PLA2G6: variants seen among roughly 807,000 people sequenced by gnomAD.
The protein encoded by PLA2G6 is phospholipase A2 group VI.
In PLA2G6, 62 loss-of-function variants were observed where a neutral mutation model predicts 83.8. The observed-to-expected ratio is 0.74, with a 90% confidence interval of 0.60 to 0.91. The LOEUF (loss-of-function observed/expected upper bound fraction) is 0.91, where lower values mean the gene tolerates loss of function less well. PLA2G6 is among the 40% of genes least tolerant of loss of function. PLA2G6 has a pLI of 0.00. For synonymous variants in PLA2G6, 417 were observed against 449.8 expected (o/e 0.93, Z 0.92); for missense variants, 944 against 1,102.0 (o/e 0.86, Z 2.03).
intron 13 of PLA2G6, 78 bp from the exon 14 acceptor site, chr22:38,115,759 G>A (rs2087152202): frequency 6.6e-7 from 1 of 1,520,006 alleles, no homozygotes; most frequent in African/African-American, 1.4e-5. Context: ...CTCAGGGTGT[G>A]CGTGTTGGGG....
intron 5 of PLA2G6, 195 bp downstream of exon 5, chr22:38,139,787 C>T: frequency 1.7e-6 from 1 of 594,062 alleles, no homozygotes; most frequent in Non-Finnish European, 3.0e-6. Flanking sequence ...AACCGAGATT[C>T]CTACCCATGA....
intron 2 of PLA2G6, among the ~76,000 whole-genome samples, chr22:38,156,855 A>T (rs2089800599): frequency 6.6e-6 from 1 of 152,210 alleles, no homozygotes; most frequent in African/African-American, 2.4e-5. Context: ...ATACGAACAC[A>T]TGGAAATGAA....
rs1398465435 is a variant in PLA2G6, at chr22:38,132,079, C to A, written c.1077+752G>T. The A allele has an allele frequency of 4.4e-6, 2 of 452,092 alleles. No homozygotes were observed. Among genetic ancestry groups the A allele is most frequent in the African/African-American group, 2.0e-5 (1 of 49,798 alleles). The allele number at this position is 452,092 out of a possible 1,614,324, so 28.0% of individuals were successfully genotyped here. A position where few individuals can be genotyped will look rare whatever the true frequency, so the allele number is the denominator to read the frequency against. On this transcript the variant is annotated intron_variant, in intron 7 of 16. Coordinates refer to ENST00000332509, the MANE Select transcript of PLA2G6 (RefSeq NM_003560.4). The surrounding 1 kb of genome is among the most constrained non-coding windows in gnomAD (Gnocchi z 5.0). ...GTGGTGAGCCGAGATCGCGCCACTG[C>A]ACTCCAGCCTGGGCGACAGTGCGAG... is the stretch of plus-strand genomic sequence containing the variant.
intron 15 of PLA2G6, chr22:38,112,973 C>T (rs2145668612): frequency 5.3e-6 from 2 of 374,104 alleles, no homozygotes; most frequent in East Asian, 1.3e-4. Flanking sequence ...GTGGCATGAT[C>T]ACAGCTCACT....
At chr22:38,153,124 G>A (rs1458854577) in intron 2 of PLA2G6, among the ~76,000 whole-genome samples, 1 of 152,156 alleles carries the variant, frequency 6.6e-6, no homozygotes, top group African/African-American at 2.4e-5. Context: ...AAATGAAGGT[G>A]GAGGCAAAGC....
intron 11 of PLA2G6, among the ~76,000 whole-genome samples, chr22:38,122,820 G>A (rs955900647): frequency 7.2e-5 from 11 of 152,098 alleles, no homozygotes; most frequent in Non-Finnish European, 1.6e-4. Context: ...TAAGGCAGTC[G>A]ATAGGAAACG....
intron 1 of PLA2G6, among the ~76,000 whole-genome samples, chr22:38,177,746 G>A (rs1353653749): frequency 6.6e-6 from 1 of 152,174 alleles, no homozygotes; most frequent in Non-Finnish European, 1.5e-5. Context: ...TTACAGGCAT[G>A]AGCCACTGCG....
intron 12 of PLA2G6, among the ~76,000 whole-genome samples, chr22:38,116,863 A>AAAC (rs2087234469): frequency 6.6e-6 from 1 of 150,968 alleles, no homozygotes; most frequent in Non-Finnish European, 1.5e-5. Flanking sequence ...AAAAAAAAAA[A>AAAC]AAAAAAAAAA....
At chr22:38,115,432 C>T in intron 14 of PLA2G6, 95 bp downstream of exon 14, 1 of 1,165,912 alleles carries the variant, frequency 8.6e-7, no homozygotes, top group Admixed American at 1.9e-5. Flanking sequence ...TAAAAGCCAC[C>T]TGCTGTCCTG....
intron 1 of PLA2G6, among the ~76,000 whole-genome samples, chr22:38,181,364 T>A (rs528243608): frequency 7.9e-5 from 12 of 152,094 alleles, no homozygotes; most frequent in Admixed American, 7.2e-4. Context: ...GGGAATCAAG[T>A]GAGCACTTAG....
At chr22:38,181,580 G>C (rs909799777) in intron 1 of PLA2G6, 84 bp downstream of exon 1, 1 of 152,454 alleles carries the variant, frequency 6.6e-6, no homozygotes, top group African/African-American at 2.4e-5. Flanking sequence ...GCGGTCTCGG[G>C]ATGGGAATTG....
chr22:38,180,109 C>T (rs1176923813), intron 1 of PLA2G6, among the ~76,000 whole-genome samples: 1 of 151,464 alleles, frequency 6.6e-6, no homozygotes, highest in Non-Finnish European at 1.5e-5. Flanking sequence ...TACCTACTTC[C>T]CCCAGCACAC....
Position 38,143,085 on chromosome 22 carries a change from C to G in PLA2G6, c.609+20G>C. 6.2e-7 allele frequency: 1 copy of G among 1,612,214 alleles called. No individual in the cohort carries two copies. Among genetic ancestry groups the G allele is most frequent in the Non-Finnish European group, 8.5e-7 (1 of 1,178,308 alleles). ...CCGGGAGGTATCAGTACCAGTCACCCTGCCCCTCCCCCTGCTCACCTGCAG... is the reference window on the plus strand; with the variant it reads ...CCGGGAGGTATCAGTACCAGTCACCGTGCCCCTCCCCCTGCTCACCTGCAG... On this transcript the variant is annotated intron_variant, in intron 4 of 16. Transcript: ENST00000332509.
intron 2 of PLA2G6, among the ~76,000 whole-genome samples, chr22:38,162,774 C>A (rs553524804): frequency 6.6e-6 from 1 of 152,184 alleles, no homozygotes; most frequent in East Asian, 1.9e-4. Context: ...GCAAGGAGGA[C>A]CCTACCCCAC....
Position 38,143,139 on chromosome 22 carries a change from T to C in PLA2G6, c.575A>G (p.Tyr192Cys), listed in dbSNP as rs748061889. ...TDYKGETVFH[Y>C]AVQGDNSQVL... ...CTGAGAATTGTCACCCTGGACAGCA[T>C]AATGGAAGACGGTCTCTCCCTTGTA... The change falls in exon 4 of 17, where the codon TAT (tyrosine) becomes TGT (cysteine). Residue 192 changes from tyrosine (Y) to cysteine (C), a missense_variant. By Grantham distance (194) the Tyr-to-Cys change is radical (BLOSUM62 -2). Coordinates refer to ENST00000332509, the MANE Select transcript of PLA2G6 (RefSeq NM_003560.4). 1.9e-6 allele frequency: 3 copies of C among 1,614,208 alleles called. No homozygotes were observed. Among genetic ancestry groups the C allele is most frequent in the Non-Finnish European group, 2.5e-6 (3 of 1,180,036 alleles).
At chr22:38,139,696 A>G (rs563450848) in intron 5 of PLA2G6, 3 of 349,084 alleles carry the variant, frequency 8.6e-6, no homozygotes, top group Non-Finnish European at 1.6e-5. Context: ...CAGCCTCCCA[A>G]AGTGTTGGGA....
At position 38,111,543 on chromosome 22, in the gene PLA2G6, T is replaced by C; in HGVS notation, c.*618A>G. On this transcript the variant is annotated 3_prime_UTR_variant, in exon 17 of 17. Transcript: ENST00000332509. Reference sequence around the variant, plus strand: ...TTTCAGTTTTGGCTCTTAAGCCACTTCCATTGGGAAGAAGAAACTCCCAGG... The same window carrying C: ...TTTCAGTTTTGGCTCTTAAGCCACTCCCATTGGGAAGAAGAAACTCCCAGG... The C allele has an allele frequency of 6.1e-6, 1 of 163,702 alleles. No homozygotes were observed. Among genetic ancestry groups the C allele is most frequent in the Non-Finnish European group, 1.3e-5 (1 of 74,346 alleles). 10.1% of individuals were successfully genotyped at this position (163,702 alleles called of 1,614,324 possible).
In PLA2G6 at chr22:38,120,777, G is replaced by A. The variant is rs144012369; in HGVS notation, c.1724C>T (p.Thr575Met). The A allele has an allele frequency of 5.0e-5, 81 of 1,613,648 alleles. No homozygotes were observed. The highest frequency in any genetic ancestry group is 2.5e-4 in the African/African-American group (19 of 74,938). ...KREFGEHTKM[T>M]DVRKPKVMLT... ...GGCTTACTTGGGTTTCCTGACGTCC[G>A]TCATCTTGGTGTGCTCCCCAAACTC... is the stretch of plus-strand genomic sequence containing the variant. Residue 575 changes from threonine (T) to methionine (M), a missense_variant, in exon 12 of 17, where the codon ACG becomes ATG. Physicochemically the swap from Thr to Met is moderately conservative, Grantham distance 81. Transcript: ENST00000332509.
At chr22:38,119,598 G>T (rs1430756564) in intron 12 of PLA2G6, among the ~76,000 whole-genome samples, 1 of 152,136 alleles carries the variant, frequency 6.6e-6, no homozygotes, top group Admixed American at 6.6e-5. Flanking sequence ...AACCAAGGCG[G>T]GAGGATCGCC....
Sources: allele counts gnomAD v4.1 joint callset (sites outside exome capture counted in the v4.1 genomes callset), GRCh38; gene constraint gnomAD v4.1.1; non-coding constraint Gnocchi (gnomAD v3.1); transcripts MANE v1.5; gene names NCBI Gene and HGNC (gene_info 2026-07-23, HGNC 2026-07-21).